Variants in CRYL1 observed in about 807,000 individuals in gnomAD.
CRYL1 encodes the protein crystallin lambda 1.
In CRYL1, 29 loss-of-function variants were observed where a neutral mutation model predicts 36.6. The ratio of observed to expected loss-of-function variants is 0.79; its 90% CI spans 0.59 to 1.08. CRYL1 has a LOEUF of 1.08. CRYL1 is among the 50% of genes least tolerant of loss of function. CRYL1 has a pLI of 0.00. For missense variants in CRYL1, 411 were observed against 407.9 expected, an observed-to-expected ratio of 1.01 and a Z score of -0.06; for synonymous variants, 152 against 151.5, an observed-to-expected ratio of 1.00 and a Z score of -0.02.
Position 20,489,363 on chromosome 13 carries a change from C to CA in CRYL1, c.276+6dup, listed in dbSNP as rs1471067589. ...CCACAGATGCGGCGCCAGTGTCCTT[C>CA]ACTCACCTGAATGTGCATGGCACCC... On this transcript the variant is annotated splice_region_variant and intron_variant, in intron 3 of 7. Transcript: ENST00000298248. 1.6e-5 allele frequency: 25 copies of CA among 1,612,898 alleles called. No homozygotes were observed. The Admixed American group carries it at 4.2e-4, about 27-fold the overall frequency.
rs184440365 is a variant in CRYL1 at position 20,511,647 on chromosome 13, C to T, written c.149+796G>A. Among the ~76,000 whole-genome samples the T allele has an allele frequency of 2.1e-3, 317 of 152,308 alleles. 2 individuals are homozygous for T. Among genetic ancestry groups the T allele is most frequent in the African/African-American group, 7.1e-3 (294 of 41,552 alleles). On this transcript the variant is annotated intron_variant, in intron 2 of 7. Coordinates refer to ENST00000298248, the MANE Select transcript of CRYL1 (RefSeq NM_015974.3). ...AAGTCATATATTCATGGACACCCTCCAAATAAGGATAATAACCAGCTAACG... is the reference window on the plus strand; with the variant it reads ...AAGTCATATATTCATGGACACCCTCTAAATAAGGATAATAACCAGCTAACG...
At chr13:20,502,547 C>A (rs1464118608) in intron 2 of CRYL1, 1 of 152,362 alleles carries the variant, frequency 6.6e-6, no homozygotes, top group Admixed American at 6.5e-5. Context: ...CCCAGCTACT[C>A]GGGAGGCTGA....
At chr13:20,500,393 C>A (rs929673006) in intron 2 of CRYL1, among the ~76,000 whole-genome samples, 1 of 147,450 alleles carries the variant, frequency 6.8e-6, no homozygotes, top group Non-Finnish European at 1.5e-5. Context: ...TTAATAACAA[C>A]ATGTTTTCTT....
intron 3 of CRYL1, among the ~76,000 whole-genome samples, chr13:20,460,724 A>G (rs543342900): frequency 1.2e-3 from 175 of 152,014 alleles, no homozygotes; most frequent in African/African-American, 4.0e-3. Context: ...ATGGGGTTTC[A>G]CTGTGTTAGC....
chr13:20,469,630 C>T (rs979683545), intron 3 of CRYL1, among the ~76,000 whole-genome samples: 8 of 152,296 alleles, frequency 5.3e-5, no homozygotes, highest in African/African-American at 1.4e-4. Context: ...ACATTCCTTC[C>T]GGTATCTGTT....
At chr13:20,466,872 CAG>C (rs2032947071) in intron 3 of CRYL1, among the ~76,000 whole-genome samples, 1 of 152,064 alleles carries the variant, frequency 6.6e-6, no homozygotes, top group African/African-American at 2.4e-5. Context: ...AACAGGGAAA[CAG>C]ATAAATAAAT....
intron 3 of CRYL1, among the ~76,000 whole-genome samples, chr13:20,478,293 G>A (rs2033205729): frequency 6.6e-6 from 1 of 151,940 alleles, no homozygotes; most frequent in Admixed American, 6.5e-5. Context: ...GTTTCTATTA[G>A]ATATGTGCTT....
chr13:20,460,618 C>T (rs1455285700), intron 3 of CRYL1, among the ~76,000 whole-genome samples: 13 of 146,904 alleles, frequency 8.8e-5, no homozygotes, highest in South Asian at 4.3e-4. Flanking sequence ...CTCCGCCACC[C>T]GGGTTCACGC....
intron 5 of CRYL1, chr13:20,431,593 T>C (rs969497993): frequency 7.8e-6 from 8 of 1,022,232 alleles, no homozygotes; most frequent in Admixed American, 5.2e-5. Context: ...TAGAGGATGA[T>C]GTTAAATATA....
At chr13:20,427,628 C>T (rs1023364955) in intron 5 of CRYL1, among the ~76,000 whole-genome samples, 1 of 149,370 alleles carries the variant, frequency 6.7e-6, no homozygotes, top group Non-Finnish European at 1.5e-5. Flanking sequence ...CTTAGAATGT[C>T]TCTTTAATGC....
At chr13:20,405,517 A>G (rs992313431) in intron 6 of CRYL1, among the ~76,000 whole-genome samples, 1 of 152,254 alleles carries the variant, frequency 6.6e-6, no homozygotes, top group Middle Eastern at 3.2e-3. Flanking sequence ...TGTCACTGTT[A>G]GACCACAGAT....
At chr13:20,479,049 T>A (rs916522774) in intron 3 of CRYL1, among the ~76,000 whole-genome samples, 2 of 152,060 alleles carry the variant, frequency 1.3e-5, no homozygotes, top group Non-Finnish European at 2.9e-5. Flanking sequence ...CCTTTACACC[T>A]GTAAAGGATT....
chr13:20,504,346 T>C (rs144828230), intron 2 of CRYL1, among the ~76,000 whole-genome samples: 5,319 of 143,926 alleles, frequency 0.037, 293 homozygotes, highest in African/African-American at 0.12. Flanking sequence ...CTCTGTCACC[T>C]AGGCTGGAGT....
chr13:20,437,261 T>A (rs1390848115), intron 4 of CRYL1, among the ~76,000 whole-genome samples: 2 of 152,112 alleles, frequency 1.3e-5, no homozygotes, highest in Non-Finnish European at 2.9e-5. Context: ...TTTGCTTTAA[T>A]TAACATCGGT....
chr13:20,445,429 C>T (rs568956294), intron 3 of CRYL1, among the ~76,000 whole-genome samples: 100 of 152,254 alleles, frequency 6.6e-4, no homozygotes, highest in African/African-American at 2.3e-3. Context: ...ATAATAGTAA[C>T]AACAGACCAG....
chr13:20,457,776 C>T (rs1210199688), intron 3 of CRYL1, among the ~76,000 whole-genome samples: 1 of 152,180 alleles, frequency 6.6e-6, no homozygotes, highest in African/African-American at 2.4e-5. Flanking sequence ...TTGTTCTGCA[C>T]CAGGCCCTGC....
At chr13:20,507,873 G>A (rs897259536) in intron 2 of CRYL1, among the ~76,000 whole-genome samples, 10 of 148,942 alleles carry the variant, frequency 6.7e-5, no homozygotes, top group Admixed American at 2.7e-4. Flanking sequence ...AGCCAAGATC[G>A]AGCCACTGCA....
intron 6 of CRYL1, 101 bp downstream of exon 6, chr13:20,413,181 T>C: frequency 1.4e-6 from 1 of 730,112 alleles, no homozygotes; most frequent in Admixed American, 2.5e-5. Context: ...TCCTATATAC[T>C]GTCTCTATTC....
chr13:20,493,342 C>G (rs1029422903), intron 2 of CRYL1, among the ~76,000 whole-genome samples: 1 of 152,206 alleles, frequency 6.6e-6, no homozygotes, highest in African/African-American at 2.4e-5. Flanking sequence ...GAAGCCTGAG[C>G]CCTATAGCGA....
Sources: allele counts gnomAD v4.1 joint callset (sites outside exome capture counted in the v4.1 genomes callset), GRCh38; gene constraint gnomAD v4.1.1; transcripts MANE v1.5; gene names NCBI Gene and HGNC (gene_info 2026-07-23, HGNC 2026-07-21).